NFATC3: variants seen among roughly 807,000 people sequenced by gnomAD.
The protein encoded by NFATC3 is nuclear factor of activated T-cells, cytoplasmic 3.
Under a neutral mutation model 98.6 loss-of-function variants are expected in NFATC3, and 46 were observed. That is an observed-to-expected ratio of 0.47 (90% CI 0.37 to 0.60). The LOEUF (loss-of-function observed/expected upper bound fraction) is 0.60. NFATC3 is among the 20% of genes least tolerant of loss of function. The pLI is 0.00. For missense variants in NFATC3, 1,256 were observed against 1,295.5 expected (o/e 0.97, Z 0.47); for synonymous variants, 512 against 472.2 (o/e 1.08, Z -1.09).
intron 4 of NFATC3, among the ~76,000 whole-genome samples, chr16:68,161,080 A>G (rs2038871089): frequency 1.3e-5 from 2 of 152,220 alleles, no homozygotes; most frequent in African/African-American, 2.4e-5. Context: ...GAGGAAAAAT[A>G]TTGACACCAG....
intron 9 of NFATC3, among the ~76,000 whole-genome samples, chr16:68,212,935 G>A (rs1243915727): frequency 1.4e-5 from 2 of 145,882 alleles, no homozygotes; most frequent in East Asian, 4.1e-4. Context: ...GACTACAGGC[G>A]CCCGCCACCA....
intron 1 of NFATC3, among the ~76,000 whole-genome samples, chr16:68,119,649 T>C (rs980232907): frequency 1.3e-5 from 2 of 152,230 alleles, no homozygotes; most frequent in Non-Finnish European, 2.9e-5. Flanking sequence ...AATATTCTTC[T>C]GCTATTTCCT....
At chr16:68,091,420 T>C (rs1362134187) in intron 1 of NFATC3, among the ~76,000 whole-genome samples, 1 of 152,214 alleles carries the variant, frequency 6.6e-6, no homozygotes, top group African/African-American at 2.4e-5. Flanking sequence ...TGAAGTTTGC[T>C]CTATATTTAT....
Position 68,095,528 on chromosome 16 carries a change from ATTC to A in NFATC3, c.103+9747_103+9749del, listed in dbSNP as rs374523855. Among the ~76,000 whole-genome samples the A allele has an allele frequency of 4.4e-3, 660 of 151,632 alleles. 7 individuals are homozygous for A. Among genetic ancestry groups the A allele is most frequent in the African/African-American group, 0.015 (605 of 41,302 alleles). On this transcript the variant is annotated intron_variant, in intron 1 of 9. Transcript: ENST00000346183. The stretch of plus-strand genomic sequence containing the variant: ...GTCACCGTGCCTGGCTAATTTTTGT[ATTC>A]TTAGTAGAGACAGGGTTTCACCATG...
At chr16:68,207,123 A>T (rs1425868409) in intron 9 of NFATC3, among the ~76,000 whole-genome samples, 2 of 151,814 alleles carry the variant, frequency 1.3e-5, no homozygotes, top group African/African-American at 2.4e-5. Context: ...CAGCCTGACC[A>T]ACACGGTGAA....
At position 68,196,633 on chromosome 16, in the gene NFATC3, G is replaced by T. The variant is rs1221240705; in HGVS notation, c.3106+4858G>T. ...TGCTTGAACCCGGGAGGTGGAGGTT[G>T]CAGTGAGCTGAGATCGCACCACTGC... On this transcript the variant is annotated intron_variant, in intron 9 of 9. Transcript: ENST00000346183. 4.6e-5 allele frequency among the ~76,000 whole-genome samples: 7 copies of T among 152,008 alleles called. No individual in the cohort carries two copies. The East Asian group carries it at 1.2e-3, about 25-fold the overall frequency.
chr16:68,178,275 G>A (rs2039805361), intron 6 of NFATC3, among the ~76,000 whole-genome samples: 1 of 152,020 alleles, frequency 6.6e-6, no homozygotes, highest in Non-Finnish European at 1.5e-5. Context: ...TTTTCTCTCT[G>A]GGTTTCTTAA....
chr16:68,127,096 C>T (rs990410870), intron 3 of NFATC3, among the ~76,000 whole-genome samples: 5 of 151,946 alleles, frequency 3.3e-5, no homozygotes, highest in East Asian at 1.9e-4. Flanking sequence ...ACCTGTAATC[C>T]CAGCTCTGCG....
At position 68,085,479 on chromosome 16, in the gene NFATC3, G is replaced by A. The variant is rs2034313661; in HGVS notation, c.-203G>A. ...TTAGGCACCGGTGGCGGGCGGCTGC[G>A]GTTCCTGGTGCTGCTCGGCGCGCGG... On this transcript the variant is annotated 5_prime_UTR_variant, in exon 1 of 10. Transcript: ENST00000346183. 4.3e-6 allele frequency: 2 copies of A among 467,196 alleles called. No individual in the cohort carries two copies. The highest frequency in any genetic ancestry group is 3.8e-5 in the East Asian group (1 of 26,384). The allele number at this position is 467,196 out of a possible 1,614,324, so 28.9% of individuals were successfully genotyped here. A position where few individuals can be genotyped will look rare whatever the true frequency, so the allele number is the denominator to read the frequency against.
chr16:68,160,595 G>T (rs556399741), intron 4 of NFATC3, among the ~76,000 whole-genome samples: 5 of 152,246 alleles, frequency 3.3e-5, no homozygotes, highest in South Asian at 2.1e-4. Context: ...CAGATGGACA[G>T]TACTCAAGAA....
At chr16:68,198,980 G>A (rs1429888011) in intron 9 of NFATC3, among the ~76,000 whole-genome samples, 1 of 151,984 alleles carries the variant, frequency 6.6e-6, no homozygotes, top group Non-Finnish European at 1.5e-5. Context: ...CCCAGGAGGC[G>A]GGGATTGCAG....
At chr16:68,108,210 GTT>G (rs2035765896) in intron 1 of NFATC3, among the ~76,000 whole-genome samples, 1 of 152,140 alleles carries the variant, frequency 6.6e-6, no homozygotes, top group African/African-American at 2.4e-5. Flanking sequence ...ATAGTTTGGG[GTT>G]TTACATTGAA....
chr16:68,184,371 T>G (rs1443477054), intron 8 of NFATC3, among the ~76,000 whole-genome samples: 1 of 152,118 alleles, frequency 6.6e-6, no homozygotes, highest in African/African-American at 2.4e-5. Context: ...GTTTGTAGAT[T>G]TAGTAATGGA....
At position 68,109,390 on chromosome 16, in the gene NFATC3, A is replaced by G. The variant is rs138239378; in HGVS notation, c.104-12597A>G. ...ATGGATTACATCTATTGATTTGAAT[A>G]TGTTGAACCAGCCTTGCATTCTGGG... On this transcript the variant is annotated intron_variant, in intron 1 of 9. Transcript: ENST00000346183. Among the ~76,000 whole-genome samples, 23 of 152,300 alleles carry G rather than the reference A, an allele frequency of 1.5e-4. No individual in the cohort carries two copies. In the East Asian group the frequency reaches 4.2e-3, roughly 28 times the overall value.
intron 4 of NFATC3, among the ~76,000 whole-genome samples, chr16:68,165,301 T>C (rs900429166): frequency 6.6e-6 from 1 of 152,120 alleles, no homozygotes; most frequent in African/African-American, 2.4e-5. Context: ...TCTTCTCCTG[T>C]GTCTTTCTTA....
At chr16:68,152,179 A>G (rs7199487) in intron 3 of NFATC3, among the ~76,000 whole-genome samples, 18,356 of 148,620 alleles carry the variant, frequency 0.12, 1,202 homozygotes, top group South Asian at 0.19. Flanking sequence ...CCTGGCCAAC[A>G]TGGTGAAACG....
chr16:68,157,990 C>T lies in NFATC3; in HGVS notation c.1523C>T (p.Thr508Ile), dbSNP rs766619763. 1.2e-6 allele frequency: 2 copies of T among 1,613,990 alleles called. No individual in the cohort carries two copies. The highest frequency in any genetic ancestry group is 1.7e-6 in the Non-Finnish European group (2 of 1,179,926). ...VHRITGKTVA[T>I]ASQEIIIAST... ...CGAATCACTGGGAAGACAGTCGCTA[C>T]TGCAAGCCAAGAGATAATAATTGCC... The change falls in exon 4 of 10, where the codon ACT (threonine) becomes ATT (isoleucine). Residue 508 changes from threonine (T) to isoleucine (I), a missense_variant. Transcript: ENST00000346183.
chr16:68,118,991 C>T (rs906098310), intron 1 of NFATC3, among the ~76,000 whole-genome samples: 2 of 152,126 alleles, frequency 1.3e-5, no homozygotes, highest in African/African-American at 4.8e-5. Flanking sequence ...CCTCAGCCTC[C>T]CGAGCAGCTG....
chr16:68,158,145 A>T, intron 4 of NFATC3, 77 bp downstream of exon 4: 1 of 858,866 alleles, frequency 1.2e-6, no homozygotes. Context: ...ATATTTTTGA[A>T]TATAAATATA....
Sources: gnomAD v4.1 joint callset for allele counts (sites outside exome capture counted in the v4.1 genomes callset) on GRCh38, gnomAD v4.1.1 for gene constraint, MANE v1.5 for transcripts, NCBI Gene and HGNC (gene_info 2026-07-23, HGNC 2026-07-21) for gene names.